Variants in RND2 observed in about 807,000 individuals in gnomAD.
The protein encoded by RND2 is Rho family GTPase 2.
RND2 carries 16 observed loss-of-function variants against 25.9 expected under a neutral mutation model. The observed-to-expected ratio is 0.62, with a 90% confidence interval of 0.42 to 0.94. The LOEUF is 0.94. RND2 is among the 40% of genes least tolerant of loss of function. The pLI, the probability that RND2 is intolerant of heterozygous loss-of-function variation, is 0.00. For missense variants in RND2, 276 were observed against 305.5 expected (o/e 0.90, Z 0.72); for synonymous variants, 97 against 118.1 (o/e 0.82, Z 1.16).
In RND2 at chr17:43,028,203, C is replaced by T. The variant is rs373628020; in HGVS notation, c.435+8C>T. On this transcript the variant is annotated splice_region_variant and intron_variant, in intron 4 of 4. Transcript: ENST00000587250. Reference sequence around the variant, plus strand: ...CCTGTTACACATGAGCAGGTGGGACCCTTGACGTCTGACCTCATCCCAGCC... The same window carrying T: ...CCTGTTACACATGAGCAGGTGGGACTCTTGACGTCTGACCTCATCCCAGCC... 1.4e-5 allele frequency: 23 copies of T among 1,613,942 alleles called. No individual in the cohort carries two copies. The highest frequency in any genetic ancestry group is 1.9e-5 in the Non-Finnish European group (23 of 1,179,982).
Position 43,025,429 on chromosome 17 carries a change from G to T in RND2, c.82G>T (p.Ala28Ser), listed in dbSNP as rs144102422. The change falls in exon 1 of 5, where the codon GCC (alanine) becomes TCC (serine). Residue 28 changes from alanine to serine, a missense_variant. Coordinates refer to ENST00000587250, the MANE Select transcript of RND2 (RefSeq NM_005440.5). ...CAAGACGGCGCTGCTGCAGGTGTTC[G>T]CCAAGGACGCCTATCCCGGGGTGAG... The part of the protein sequence containing the change: ...CGKTALLQVF[A>S]KDAYPGSYVP... The T allele has an allele frequency of 9.7e-6, 15 of 1,549,446 alleles. No homozygotes were observed. Among genetic ancestry groups the T allele is most frequent in the African/African-American group, 1.4e-5 (1 of 73,128 alleles).
At chr17:43,028,288 C>A (rs2050640845) in intron 4 of RND2, 93 bp downstream of exon 4, 2 of 1,593,118 alleles carry the variant, frequency 1.3e-6, no homozygotes, top group Non-Finnish European at 1.7e-6. Context: ...CTGGCTCATC[C>A]TTTGTTCTGG....
intron 3 of RND2, among the ~76,000 whole-genome samples, chr17:43,027,655 C>T (rs1466886054): frequency 1.3e-5 from 2 of 152,110 alleles, no homozygotes; most frequent in Non-Finnish European, 2.9e-5. Context: ...TCTCCAGGCC[C>T]CAGTTTCCAT....
rs2050664121 is a variant in RND2 at position 43,030,497 on chromosome 17, G to A, written c.*1817G>A. 2 of 152,790 alleles carry A rather than the reference G, an allele frequency of 1.3e-5. No homozygotes were observed. Among genetic ancestry groups the A allele is most frequent in the South Asian group, 4.1e-4 (2 of 4,828 alleles). The allele number at this position is 152,790 out of a possible 1,614,324, so 9.5% of individuals were successfully genotyped here. A position where few individuals can be genotyped will look rare whatever the true frequency, so the allele number is the denominator to read the frequency against. On this transcript the variant is annotated 3_prime_UTR_variant, in exon 5 of 5. Transcript: ENST00000587250. ...CTAAGCTTTTGGAGGCCAGCCCAGT[G>A]TGGAAGAGAGGTACCTCAGGTGTGA...
In RND2 at chr17:43,028,759, C is replaced by T. The variant is rs975384799; in HGVS notation, c.*79C>T. On this transcript the variant is annotated 3_prime_UTR_variant, in exon 5 of 5. Coordinates refer to ENST00000587250, the MANE Select transcript of RND2 (RefSeq NM_005440.5). ...CCCTGCCTGCGCCCAGGCTTCCTGACCTCCTGATCCTGGCTGGGAAGTTAG... is the reference window on the plus strand; with the variant it reads ...CCCTGCCTGCGCCCAGGCTTCCTGATCTCCTGATCCTGGCTGGGAAGTTAG... The T allele has an allele frequency of 3.4e-6, 5 of 1,479,862 alleles. No individual in the cohort carries two copies. The African/African-American group carries it at 4.2e-5, about 12-fold the overall frequency. The allele number at this position is 1,479,862 out of a possible 1,614,324, so 91.7% of individuals were successfully genotyped here.
intron 3 of RND2, among the ~76,000 whole-genome samples, chr17:43,027,754 CAGG>C: frequency 6.6e-6 from 1 of 152,248 alleles, no homozygotes; most frequent in South Asian, 2.1e-4. Context: ...AATTTGTTCC[CAGG>C]AGAGAGTATG....
chr17:43,028,639 G>T lies in RND2; in HGVS notation c.643G>T (p.Glu215Ter). The T allele has an allele frequency of 6.2e-7, 1 of 1,604,580 alleles. No individual in the cohort carries two copies. Among genetic ancestry groups the T allele is most frequent in the Non-Finnish European group, 8.5e-7 (1 of 1,175,402 alleles). The change falls in exon 5 of 5, where the codon GAG (glutamate) becomes TAG (stop). Residue 215 changes from glutamate to a stop codon, truncating the protein, a stop_gained. Transcript: ENST00000587250. LOFTEE classifies it high-confidence loss of function. ...SGRPDRGNEG[E>*]IHKDRAKSCN... is the part of the protein sequence containing the mutation. The stretch of plus-strand genomic sequence containing the variant: ...ACGGCCAGACCGGGGGAATGAGGGC[G>T]AGATACACAAGGATCGAGCCAAAAG...
At position 43,028,714 on chromosome 17, in the gene RND2, G is replaced by T; in HGVS notation, c.*34G>T. Reference sequence around the variant, plus strand: ...GAGAGGGCAGAGTGTGAAGAGGGGTGGTGAGGGACACAATTGTTCCCCTGC... The same window carrying T: ...GAGAGGGCAGAGTGTGAAGAGGGGTTGTGAGGGACACAATTGTTCCCCTGC... On this transcript the variant is annotated 3_prime_UTR_variant, in exon 5 of 5. Coordinates refer to ENST00000587250, the MANE Select transcript of RND2 (RefSeq NM_005440.5). 6.6e-7 allele frequency: 1 copy of T among 1,525,128 alleles called. No homozygotes were observed. The highest frequency in any genetic ancestry group is 1.2e-5 in the South Asian group (1 of 83,050). 94.5% of individuals were successfully genotyped at this position (1,525,128 alleles called of 1,614,324 possible). A position where few individuals can be genotyped will look rare whatever the true frequency, so the allele number is the denominator to read the frequency against.
rs1158415431 is a variant in RND2, at chr17:43,031,873, AG to A, written c.*3195del. ...GAATGGGACTGTTGCTGATCCTCAA[AG>A]GCCTCTGTAGGATGGAGGGAGGGGA... is the stretch of plus-strand genomic sequence containing the variant. On this transcript the variant is annotated 3_prime_UTR_variant, in exon 5 of 5. Transcript: ENST00000587250. 6.6e-6 allele frequency: 1 copy of A among 151,984 alleles called. No homozygotes were observed. Among genetic ancestry groups the A allele is most frequent in the Non-Finnish European group, 1.5e-5 (1 of 68,052 alleles). The allele number at this position is 151,984 out of a possible 1,614,324, so 9.4% of individuals were successfully genotyped here.
In RND2 at chr17:43,025,262, C is replaced by A; in HGVS notation, c.-86C>A. ...CCGCGAGATGCCGGTGTTGGCGGCCCGAGCGGCTGCAGTTGCAGGGGCGGG... is the reference window on the plus strand; with the variant it reads ...CCGCGAGATGCCGGTGTTGGCGGCCAGAGCGGCTGCAGTTGCAGGGGCGGG... On this transcript the variant is annotated 5_prime_UTR_variant, in exon 1 of 5. Coordinates refer to ENST00000587250, the MANE Select transcript of RND2 (RefSeq NM_005440.5). The A allele has an allele frequency of 8.3e-7, 1 of 1,202,514 alleles. No homozygotes were observed. The highest frequency in any genetic ancestry group is 1.1e-6 in the Non-Finnish European group (1 of 931,116). The allele number at this position is 1,202,514 out of a possible 1,614,324, so 74.5% of individuals were successfully genotyped here. A position where few individuals can be genotyped will look rare whatever the true frequency, so the allele number is the denominator to read the frequency against.
intron 3 of RND2, 28 bp downstream of exon 3, chr17:43,027,320 A>G: frequency 6.7e-7 from 1 of 1,497,700 alleles, no homozygotes; most frequent in Middle Eastern, 1.8e-4. Flanking sequence ...TAGGGCAGCT[A>G]GACTGAGGGG....
Position 43,031,063 on chromosome 17 carries a change from G to C in RND2, c.*2383G>C, listed in dbSNP as rs545318213. On this transcript the variant is annotated 3_prime_UTR_variant, in exon 5 of 5. Coordinates refer to ENST00000587250, the MANE Select transcript of RND2 (RefSeq NM_005440.5). ...TTGAGGCCAGGAGTTAGAGACTGCA[G>C]TGAGCTATGATCATGCCATTGTCTT... 1.3e-5 allele frequency: 2 copies of C among 152,302 alleles called. No homozygotes were observed. The highest frequency in any genetic ancestry group is 3.9e-4 in the East Asian group (2 of 5,184). The allele number at this position is 152,302 out of a possible 1,614,324, so 9.4% of individuals were successfully genotyped here.
chr17:43,028,177 C>A lies in RND2; in HGVS notation c.417C>A (p.Ile139=), dbSNP rs1334212006. The change falls in exon 4 of 5, where the codon ATC becomes ATA. Residue 139 remains isoleucine, a synonymous_variant. Transcript: ENST00000587250. ...TLRELSKQRL[I]PVTHEQGTVL... ...GGGAGCTGTCCAAGCAGAGGCTTAT[C>A]CCTGTTACACATGAGCAGGTGGGAC... 6.2e-7 allele frequency: 1 copy of A among 1,614,168 alleles called. No homozygotes were observed. Among genetic ancestry groups the A allele is most frequent in the Non-Finnish European group, 8.5e-7 (1 of 1,180,026 alleles).
At chr17:43,027,134 T>C (rs200207758) in intron 2 of RND2, 49 bp from the exon 3 acceptor site, 44 of 1,268,590 alleles carry the variant, frequency 3.5e-5, no homozygotes, top group Middle Eastern at 3.8e-4. Flanking sequence ...TCCCATTCCC[T>C]TCCAGGCCTC....
At position 43,025,371 on chromosome 17, in the gene RND2, C is replaced by T; in HGVS notation, c.24C>T (p.Cys8=). MEGQSGR[C]KIVVVGDAEC... ...CCATGGAGGGGCAGAGCGGCCGCTG[C>T]AAGATCGTGGTGGTGGGAGACGCAG... Residue 8 remains cysteine (C), a synonymous_variant, in exon 1 of 5, where the codon TGC becomes TGT. Transcript: ENST00000587250. 1 of 1,552,432 alleles carries T rather than the reference C, an allele frequency of 6.4e-7. No individual in the cohort carries two copies. The highest frequency in any genetic ancestry group is 8.7e-7 in the Non-Finnish European group (1 of 1,148,498).
intron 2 of RND2, among the ~76,000 whole-genome samples, chr17:43,026,434 G>A (rs1416016829): frequency 6.6e-6 from 1 of 152,188 alleles, no homozygotes; most frequent in African/African-American, 2.4e-5. Flanking sequence ...GGGATCACCT[G>A]AGGTCAGGAG....
intron 2 of RND2, among the ~76,000 whole-genome samples, chr17:43,026,453 C>T (rs1013439154): frequency 2.0e-5 from 3 of 152,094 alleles, no homozygotes; most frequent in African/African-American, 7.2e-5. Context: ...AGTTTGAGAC[C>T]AGCCTGGCCA....
rs554529486 is a variant in RND2 at position 43,027,069 on chromosome 17, G to A, written c.191-114G>A. 23 of 644,618 alleles carry A rather than the reference G, an allele frequency of 3.6e-5. No individual in the cohort carries two copies. In the East Asian group the frequency reaches 5.8e-4, roughly 16 times the overall value. 39.9% of individuals were successfully genotyped at this position (644,618 alleles called of 1,614,324 possible). ...TGGGTATTAATGATGGGTATTAATG[G>A]TTGCTCTTTTCCATTCTCTGCTCCC... On this transcript the variant is annotated intron_variant, in intron 2 of 4. Coordinates refer to ENST00000587250, the MANE Select transcript of RND2 (RefSeq NM_005440.5).
rs2050609517 is a variant in RND2, at chr17:43,025,238, C to G, written c.-110C>G. ...CCGGGGCGGGGGCTCGGCGCGGGCC[C>G]GCGAGATGCCGGTGTTGGCGGCCCG... On this transcript the variant is annotated 5_prime_UTR_variant, in exon 1 of 5. Transcript: ENST00000587250. 3.3e-6 allele frequency: 3 copies of G among 914,000 alleles called. No individual in the cohort carries two copies. Among genetic ancestry groups the G allele is most frequent in the South Asian group, 3.4e-5 (1 of 29,842 alleles). The allele number at this position is 914,000 out of a possible 1,614,324, so 56.6% of individuals were successfully genotyped here. A position where few individuals can be genotyped will look rare whatever the true frequency, so the allele number is the denominator to read the frequency against.
Sources: allele counts gnomAD v4.1 joint callset (sites outside exome capture counted in the v4.1 genomes callset), GRCh38; gene constraint gnomAD v4.1.1; transcripts MANE v1.5; gene names NCBI Gene and HGNC (gene_info 2026-07-23, HGNC 2026-07-21).